Variants in NTM observed in about 807,000 individuals in gnomAD.
NTM encodes IgLON family member 2.
A neutral mutation model predicts 42.1 loss-of-function variants in NTM; 13 were observed. The observed-to-expected ratio is 0.31, with a 90% CI of 0.20 to 0.49. The LOEUF is 0.49. Among genes scored for constraint, NTM ranks in the 20% least tolerant of loss-of-function variants. The probability of loss-of-function intolerance (pLI) is 0.99; values close to 1 mark genes in which losing one functional copy is unlikely to be tolerated. For missense variants in NTM, 373 were observed against 452.8 expected, an observed-to-expected ratio of 0.82 and a Z score of 1.60; for synonymous variants, 187 against 179.2, an observed-to-expected ratio of 1.04 and a Z score of -0.35.
intron 1 of NTM, chr11:131,582,398 C>A (rs1159379987): frequency 6.6e-6 from 1 of 152,196 alleles, no homozygotes; most frequent in Non-Finnish European, 1.5e-5. Flanking sequence ...TGAATCCCTT[C>A]ATCTTTTTTT....
chr11:131,992,696 AT>A (rs1358324683), intron 2 of NTM, among the ~76,000 whole-genome samples: 1 of 152,180 alleles, frequency 6.6e-6, no homozygotes, highest in Non-Finnish European at 1.5e-5. Flanking sequence ...AAAAGATTGA[AT>A]ACTTTTCTAT....
intron 1 of NTM, among the ~76,000 whole-genome samples, chr11:131,406,813 A>C (rs1945858920): frequency 6.6e-6 from 1 of 152,212 alleles, no homozygotes; most frequent in Non-Finnish European, 1.5e-5. Context: ...TCACTCTGAG[A>C]AGTGGATAAA....
intron 1 of NTM, among the ~76,000 whole-genome samples, chr11:131,864,058 G>A (rs1246516959): frequency 6.6e-6 from 1 of 152,052 alleles, no homozygotes; most frequent in Admixed American, 6.6e-5. Flanking sequence ...GGGTCAGGGA[G>A]GAAAGGAGGG....
At position 132,212,086 on chromosome 11, in the gene NTM, C is replaced by T. The variant is rs1346824516; in HGVS notation, c.465C>T (p.Leu155=). The change falls in exon 4 of 9, where the codon CTC becomes CTT. Residue 155 remains leucine (L), a synonymous_variant. Transcript: ENST00000683400. The part of the protein sequence containing the change: ...ISINEGNNIS[L]TCIATGRPEP... ...TTAATGAAGGGAACAATATTAGCCT[C>T]ACCTGCATAGCAACTGGTAGACCAG... 2.5e-6 allele frequency: 4 copies of T among 1,613,768 alleles called. No homozygotes were observed. The South Asian group carries it at 3.3e-5, about 13-fold the overall frequency.
intron 4 of NTM, among the ~76,000 whole-genome samples, chr11:132,247,550 A>T (rs990156126): frequency 3.9e-5 from 6 of 152,214 alleles, no homozygotes; most frequent in Admixed American, 6.5e-5. Context: ...AATAAGAAAA[A>T]AACATATAAT....
intron 2 of NTM, among the ~76,000 whole-genome samples, chr11:131,915,734 C>T (rs1040648920): frequency 2.0e-5 from 3 of 152,114 alleles, no homozygotes; most frequent in African/African-American, 7.2e-5. Flanking sequence ...GCAAAAGGCA[C>T]ATTTTACACG....
chr11:131,911,200 T>C lies in NTM; in HGVS notation c.83-364T>C, dbSNP rs1236960770. ...CTTTCACCTGCCGCGCGCTTCCCCC[T>C]CCTCGGCCACCTTCCCGGCGGAAGC... On this transcript the variant is annotated intron_variant, in intron 1 of 8. Coordinates refer to ENST00000683400, the MANE Select transcript of NTM (RefSeq NM_001352005.2). 4.4e-6 allele frequency: 6 copies of C among 1,373,098 alleles called. No individual in the cohort carries two copies. In the African/African-American group the frequency reaches 7.3e-5, roughly 17 times the overall value. The allele number at this position is 1,373,098 out of a possible 1,614,324, so 85.1% of individuals were successfully genotyped here.
intron 1 of NTM, among the ~76,000 whole-genome samples, chr11:131,443,822 A>G (rs1481424828): frequency 1.3e-5 from 2 of 152,224 alleles, no homozygotes; most frequent in Non-Finnish European, 2.9e-5. Context: ...GTCACTGTGC[A>G]GAGACCCACC....
chr11:132,305,417 C>T (rs897887398), intron 4 of NTM, among the ~76,000 whole-genome samples: 15 of 152,222 alleles, frequency 9.9e-5, no homozygotes, highest in Admixed American at 7.8e-4. Context: ...AATTTATTTC[C>T]TAATGCTGCG....
intron 1 of NTM, among the ~76,000 whole-genome samples, chr11:131,562,958 T>C (rs1042598706): frequency 1.3e-5 from 2 of 152,142 alleles, no homozygotes; most frequent in Non-Finnish European, 2.9e-5. Context: ...GGGCCCTCCA[T>C]GGCCCCAGGG....
At chr11:131,633,610 TCA>T (rs2063903489) in intron 1 of NTM, among the ~76,000 whole-genome samples, 7 of 61,702 alleles carry the variant, frequency 1.1e-4, no homozygotes, top group Admixed American at 3.2e-4. Flanking sequence ...CCTCCCTCTC[TCA>T]CTCTCTCCCT....
At chr11:131,631,094 G>T (rs942689642) in intron 1 of NTM, among the ~76,000 whole-genome samples, 1 of 152,152 alleles carries the variant, frequency 6.6e-6, no homozygotes, top group Non-Finnish European at 1.5e-5. Context: ...AGGCACTCAG[G>T]CATGGATTCA....
chr11:131,548,788 A>C (rs888611319), intron 1 of NTM, among the ~76,000 whole-genome samples: 1 of 152,220 alleles, frequency 6.6e-6, no homozygotes. Context: ...TGGAATGAAA[A>C]GAAACAAGCC....
chr11:132,309,005 T>C (rs1467162565), intron 5 of NTM, among the ~76,000 whole-genome samples: 1 of 152,254 alleles, frequency 6.6e-6, no homozygotes, highest in Non-Finnish European at 1.5e-5. Flanking sequence ...AAACATCACC[T>C]GCTTTAAGAT....
chr11:132,282,213 A>G (rs974948885), intron 4 of NTM, among the ~76,000 whole-genome samples: 1 of 152,234 alleles, frequency 6.6e-6, no homozygotes, highest in Non-Finnish European at 1.5e-5. Context: ...ACATTGAAGG[A>G]CAATAAATTG....
intron 2 of NTM, among the ~76,000 whole-genome samples, chr11:132,131,831 G>GC (rs2066880018): frequency 1.3e-5 from 2 of 152,246 alleles, no homozygotes; most frequent in South Asian, 2.1e-4. Flanking sequence ...GGTGGAAGAG[G>GC]CCCCCCGCTC....
At chr11:132,098,986 C>T (rs552142972) in intron 2 of NTM, among the ~76,000 whole-genome samples, 1 of 152,352 alleles carries the variant, frequency 6.6e-6, no homozygotes, top group Admixed American at 6.5e-5. Context: ...GTTTTGTCTT[C>T]TTTATAAAAG....
intron 2 of NTM, among the ~76,000 whole-genome samples, chr11:132,119,470 G>A (rs1591632562): frequency 6.6e-6 from 1 of 152,262 alleles, no homozygotes; most frequent in Non-Finnish European, 1.5e-5. Flanking sequence ...CCACAGCCTG[G>A]GTTCAGCCAG....
intron 1 of NTM, among the ~76,000 whole-genome samples, chr11:131,510,612 A>G (rs984908466): frequency 6.6e-6 from 1 of 152,168 alleles, no homozygotes; most frequent in Non-Finnish European, 1.5e-5. Flanking sequence ...ATTTCTATCT[A>G]TCATATCACT....
Sources: gnomAD v4.1 joint callset for allele counts (sites outside exome capture counted in the v4.1 genomes callset) on GRCh38, gnomAD v4.1.1 for gene constraint, MANE v1.5 for transcripts, NCBI Gene and HGNC (gene_info 2026-07-23, HGNC 2026-07-21) for gene names.